Variants in PDK1 observed in about 807,000 individuals in gnomAD.
PDK1 encodes the protein [Pyruvate dehydrogenase (acetyl-transferring)] kinase isozyme 1, mitochondrial.
PDK1 carries 39 observed loss-of-function variants against 54.2 expected under a neutral mutation model. The ratio of observed to expected loss-of-function variants is 0.72; its 90% CI spans 0.56 to 0.94. PDK1 has a LOEUF of 0.94. Ranked by LOEUF, PDK1 falls within the 40% of genes least tolerant of loss-of-function variation. The pLI, the probability that PDK1 is intolerant of heterozygous loss-of-function variation, is 0.00. For synonymous variants in PDK1, 221 were observed against 207.1 expected (o/e 1.07, Z -0.58); for missense variants, 552 against 566.0 (o/e 0.98, Z 0.25).
At position 172,568,327 on chromosome 2, in the gene PDK1, C is replaced by CAA. The variant is rs11400625; in HGVS notation, c.770-392_770-391dup. Reference sequence around the variant, plus strand: ...TGGGCAACAGAGCAAGACTCCGTCTCAAAAAAAAAAAAAAAAAAAAAAAGA... The same window carrying CAA: ...TGGGCAACAGAGCAAGACTCCGTCTCAAAAAAAAAAAAAAAAAAAAAAAAAGA... On this transcript the variant is annotated intron_variant, in intron 6 of 10. Transcript: ENST00000282077. Among the ~76,000 whole-genome samples the CAA allele has an allele frequency of 7.2e-3, 400 of 55,692 alleles. 4 individuals are homozygous for CAA. The highest frequency in any genetic ancestry group is 0.023 in the Middle Eastern group (3 of 132). The allele number at this position is 55,692 out of a possible 152,430, so 36.5% of individuals were successfully genotyped here. A position where few individuals can be genotyped will look rare whatever the true frequency, so the allele number is the denominator to read the frequency against.
the PDK1 span, among the ~76,000 whole-genome samples, chr2:172,675,281 C>T: frequency 6.6e-6 from 1 of 152,200 alleles, no homozygotes; most frequent in African/African-American, 2.4e-5. Flanking sequence ...ACCTCTCTCA[C>T]TTTAATCAAA....
At chr2:172,572,550 C>A (rs986515492) in intron 8 of PDK1, among the ~76,000 whole-genome samples, 1 of 152,040 alleles carries the variant, frequency 6.6e-6, no homozygotes, top group Admixed American at 6.5e-5. Context: ...CATGGTGAAA[C>A]CCCATCTCTA....
the PDK1 span, among the ~76,000 whole-genome samples, chr2:172,661,017 T>C: frequency 6.6e-6 from 1 of 152,218 alleles, no homozygotes; most frequent in African/African-American, 2.4e-5. Flanking sequence ...AGATTCATAC[T>C]GACGTTGGGG....
rs529731420 is a variant in PDK1, at chr2:172,592,922, T to A, written c.1057-13T>A. 1.3e-6 allele frequency: 2 copies of A among 1,522,480 alleles called. No individual in the cohort carries two copies. Among genetic ancestry groups the A allele is most frequent in the South Asian group, 1.1e-5 (1 of 88,584 alleles). 94.3% of individuals were successfully genotyped at this position (1,522,480 alleles called of 1,614,324 possible). ...GTCTTTCTGAATAGAATTTTGTTTT[T>A]CTCATCAAACAGGCTGGTTTTGGTT... On this transcript the variant is annotated splice_polypyrimidine_tract_variant and intron_variant, in intron 9 of 10. Coordinates refer to ENST00000282077, the MANE Select transcript of PDK1 (RefSeq NM_002610.5).
the PDK1 span, among the ~76,000 whole-genome samples, chr2:172,700,468 T>C: frequency 1.3e-4 from 20 of 148,908 alleles, no homozygotes; most frequent in African/African-American, 4.8e-4. Flanking sequence ...GAGACGCTCC[T>C]CACTTCCTAG....
chr2:172,563,834 CAA>C (rs773480530), intron 3 of PDK1, among the ~76,000 whole-genome samples: 2 of 133,932 alleles, frequency 1.5e-5, no homozygotes, highest in African/African-American at 2.8e-5. Flanking sequence ...AATTCCATCT[CAA>C]AAAAAAAAAA....
At chr2:172,633,867 A>ATTTTTTT in the PDK1 span, among the ~76,000 whole-genome samples, 6 of 68,842 alleles carry the variant, frequency 8.7e-5, no homozygotes, top group African/African-American at 1.8e-4. Flanking sequence ...TTAGTCTATG[A>ATTTTTTT]TTTTTTTTTT....
downstream of PDK1, among the ~76,000 whole-genome samples, chr2:172,613,236 T>A (rs1436297677): frequency 1.3e-5 from 2 of 152,284 alleles, no homozygotes; most frequent in Non-Finnish European, 2.9e-5. Flanking sequence ...GCTCAGTCAT[T>A]GGCAGGGACT....
At chr2:172,612,689 G>A (rs970220731), downstream of PDK1, among the ~76,000 whole-genome samples, 3 of 151,340 alleles carry the variant, frequency 2.0e-5, no homozygotes, top group Admixed American at 1.3e-4. Flanking sequence ...TTTTTGAGAC[G>A]GAGTTTCACT....
chr2:172,694,739 T>C, the PDK1 span, among the ~76,000 whole-genome samples: 1 of 152,226 alleles, frequency 6.6e-6, no homozygotes, highest in Non-Finnish European at 1.5e-5. Flanking sequence ...ATTATCTTAC[T>C]TGTTTTTATT....
At chr2:172,700,990 G>C in the PDK1 span, among the ~76,000 whole-genome samples, 1 of 152,122 alleles carries the variant, frequency 6.6e-6, no homozygotes, top group Admixed American at 6.5e-5. Context: ...GAGGGAGACC[G>C]TGCAAAGGGG....
chr2:172,642,516 C>G, the PDK1 span, among the ~76,000 whole-genome samples: 11 of 152,206 alleles, frequency 7.2e-5, no homozygotes, highest in Non-Finnish European at 1.3e-4. Context: ...GACCCCACCC[C>G]AGACCTACTG....
the PDK1 span, among the ~76,000 whole-genome samples, chr2:172,636,247 T>C: frequency 6.6e-6 from 1 of 152,324 alleles, no homozygotes; most frequent in East Asian, 1.9e-4. Context: ...GGCTCATGGT[T>C]CTTCAGGCTG....
At chr2:172,684,198 A>G in the PDK1 span, among the ~76,000 whole-genome samples, 1 of 152,196 alleles carries the variant, frequency 6.6e-6, no homozygotes, top group Non-Finnish European at 1.5e-5. Flanking sequence ...AGGCAGGTGG[A>G]TTGCTTGAGC....
rs1690911836 is a variant in PDK1 at position 172,596,693 on chromosome 2, G to A, written c.*724G>A. On this transcript the variant is annotated 3_prime_UTR_variant, in exon 11 of 11. Transcript: ENST00000282077. ...AACTAGCAGCTACTAAAATAGAGAA[G>A]AAATTGAGGGCAAAGTAATATGTCT... 6.6e-6 allele frequency: 1 copy of A among 152,160 alleles called. No individual in the cohort carries two copies. Among genetic ancestry groups the A allele is most frequent in the Admixed American group, 6.5e-5 (1 of 15,278 alleles). 9.4% of individuals were successfully genotyped at this position (152,160 alleles called of 1,614,324 possible).
chr2:172,587,704 A>T (rs1016615672), intron 9 of PDK1, among the ~76,000 whole-genome samples: 1 of 149,538 alleles, frequency 6.7e-6, no homozygotes, highest in Non-Finnish European at 1.5e-5. Context: ...CCCCACCCAC[A>T]TCCTGCTGAT....
chr2:172,656,445 C>G, the PDK1 span, among the ~76,000 whole-genome samples: 1 of 152,100 alleles, frequency 6.6e-6, no homozygotes, highest in Non-Finnish European at 1.5e-5. Flanking sequence ...TCTCAGGTCT[C>G]CCCCATGCTC....
At chr2:172,557,796 G>T (rs980790316) in intron 1 of PDK1, among the ~76,000 whole-genome samples, 8 of 151,688 alleles carry the variant, frequency 5.3e-5, no homozygotes, top group African/African-American at 1.9e-4. Context: ...TTTGCTTATG[G>T]TAATTAGCAT....
the PDK1 span, among the ~76,000 whole-genome samples, chr2:172,715,164 G>A: frequency 2.0e-5 from 3 of 152,146 alleles, no homozygotes; most frequent in Admixed American, 2.0e-4. Flanking sequence ...ACACAAACCA[G>A]TGTTTTGATC....
Sources: allele counts gnomAD v4.1 joint callset (sites outside exome capture counted in the v4.1 genomes callset), GRCh38; gene constraint gnomAD v4.1.1; transcripts MANE v1.5; gene names NCBI Gene and HGNC (gene_info 2026-07-23, HGNC 2026-07-21).